Variants in FBXL17 observed in about 807,000 individuals in gnomAD.
FBXL17 encodes F-box and leucine rich repeat protein 17.
Under a neutral mutation model 66.2 loss-of-function variants are expected in FBXL17, and 22 were observed. The observed-to-expected ratio is 0.33, with a 90% confidence interval of 0.24 to 0.47. The LOEUF is 0.47. Ranked by LOEUF, FBXL17 falls within the 20% of genes least tolerant of loss-of-function variation. FBXL17 has a pLI of 1.00. For missense variants in FBXL17, 878 were observed against 948.2 expected, an observed-to-expected ratio of 0.93 and a Z score of 0.97; for synonymous variants, 474 against 400.5, an observed-to-expected ratio of 1.18 and a Z score of -2.19.
At chr5:107,980,804 C>T (rs1192253694) in intron 7 of FBXL17, among the ~76,000 whole-genome samples, 1 of 149,204 alleles carries the variant, frequency 6.7e-6, no homozygotes, top group Non-Finnish European at 1.5e-5. Flanking sequence ...CTACAGGCAC[C>T]CACCACCACG....
intron 7 of FBXL17, among the ~76,000 whole-genome samples, chr5:108,010,502 C>T (rs1382972265): frequency 6.6e-6 from 1 of 152,034 alleles, no homozygotes; most frequent in African/African-American, 2.4e-5. Context: ...AAGGCTGGAC[C>T]TGTGATGACG....
At chr5:108,198,882 CTA>C (rs947527362) in intron 5 of FBXL17, among the ~76,000 whole-genome samples, 108 of 152,054 alleles carry the variant, frequency 7.1e-4, no homozygotes, top group African/African-American at 2.6e-3. Flanking sequence ...AAAGATCTCT[CTA>C]AAGTTTTCCT....
At chr5:108,174,158 G>A (rs1438265972) in intron 6 of FBXL17, among the ~76,000 whole-genome samples, 1 of 152,010 alleles carries the variant, frequency 6.6e-6, no homozygotes, top group Non-Finnish European at 1.5e-5. Flanking sequence ...TGAAAATTAG[G>A]ATTAAAGATA....
chr5:107,861,748 G>A lies in FBXL17; in HGVS notation c.2078C>T (p.Thr693Ile). ...TLERAYQMGW[T>I]PNMSAASS Reference sequence around the variant, plus strand: ...GGAGGAGGCGGCAGACATGTTGGGGGTCCAGCCCATCTGATAGGCTCTCTC... The same window carrying A: ...GGAGGAGGCGGCAGACATGTTGGGGATCCAGCCCATCTGATAGGCTCTCTC... Residue 693 changes from threonine (T) to isoleucine (I), a missense_variant, in exon 9 of 9, where the codon ACC (threonine) becomes ATC (isoleucine). By Grantham distance (89) the Thr-to-Ile change is moderately conservative. Transcript: ENST00000542267. 6.3e-7 allele frequency: 1 copy of A among 1,585,838 alleles called. No individual in the cohort carries two copies. The highest frequency in any genetic ancestry group is 8.6e-7 in the Non-Finnish European group (1 of 1,163,696).
At chr5:108,255,928 C>A (rs181333560) in intron 4 of FBXL17, among the ~76,000 whole-genome samples, 19 of 152,042 alleles carry the variant, frequency 1.2e-4, no homozygotes, top group Admixed American at 1.1e-3. Context: ...CAAAGCAAGG[C>A]GTAAGGCAAG....
At chr5:107,997,698 A>G (rs1753534729) in intron 7 of FBXL17, among the ~76,000 whole-genome samples, 2 of 152,204 alleles carry the variant, frequency 1.3e-5, no homozygotes, top group African/African-American at 2.4e-5. Context: ...CTTTATTTAT[A>G]AACGCGACTG....
chr5:107,956,884 A>C (rs1751683743), intron 7 of FBXL17, among the ~76,000 whole-genome samples: 1 of 152,156 alleles, frequency 6.6e-6, no homozygotes, highest in Non-Finnish European at 1.5e-5. Context: ...GAAAAAACTA[A>C]GAGAAGCACC....
chr5:108,372,220 C>G (rs967264957), intron 1 of FBXL17, among the ~76,000 whole-genome samples: 1 of 152,130 alleles, frequency 6.6e-6, no homozygotes, highest in African/African-American at 2.4e-5. Flanking sequence ...AAGAAAGAAT[C>G]AGCAAACCTA....
chr5:108,055,280 G>GAAAAAAAAAAAAAAAAA lies in FBXL17; in HGVS notation c.1746-34296_1746-34280dup, dbSNP rs1000211060. Among the ~76,000 whole-genome samples, 2 of 23,692 alleles carry GAAAAAAAAAAAAAAAAA rather than the reference G, an allele frequency of 8.4e-5. 1 individual carries two copies. 15.5% of individuals were successfully genotyped at this position (23,692 alleles called of 152,430 possible). A position where few individuals can be genotyped will look rare whatever the true frequency, so the allele number is the denominator to read the frequency against. Reference sequence around the variant, plus strand: ...ATTTTTAAATGACATAGAATTTTTAGAAAAAAAAAAAAAAAAAAAAAAAAA... The same window carrying GAAAAAAAAAAAAAAAAA: ...ATTTTTAAATGACATAGAATTTTTAGAAAAAAAAAAAAAAAAAAAAAAAAAAAAAAAAAAAAAAAAAA... On this transcript the variant is annotated intron_variant, in intron 6 of 8. Coordinates refer to ENST00000542267, the MANE Select transcript of FBXL17 (RefSeq NM_001163315.3).
chr5:108,232,236 T>C (rs542446106), intron 4 of FBXL17, among the ~76,000 whole-genome samples: 4 of 152,316 alleles, frequency 2.6e-5, no homozygotes, highest in African/African-American at 9.6e-5. Flanking sequence ...CATTTAAGTA[T>C]TGTTAACTTT....
intron 6 of FBXL17, among the ~76,000 whole-genome samples, chr5:108,103,037 A>G (rs947212019): frequency 2.6e-5 from 4 of 152,264 alleles, no homozygotes; most frequent in African/African-American, 9.6e-5. Context: ...GATATTTGCC[A>G]TAAGAATTAC....
chr5:108,307,235 A>C (rs1231768753), intron 4 of FBXL17, among the ~76,000 whole-genome samples: 2 of 152,122 alleles, frequency 1.3e-5, no homozygotes, highest in African/African-American at 4.8e-5. Context: ...AAAAGCTTTA[A>C]ATTTAAGTTA....
chr5:108,127,693 T>C (rs17161040), intron 6 of FBXL17, among the ~76,000 whole-genome samples: 2,481 of 152,286 alleles, frequency 0.016, 60 homozygotes, highest in African/African-American at 0.057. Context: ...AAAAAATCTA[T>C]AGGTAATGTG....
chr5:107,880,152 C>T (rs755297457), intron 8 of FBXL17: 5 of 197,140 alleles, frequency 2.5e-5, no homozygotes, highest in Admixed American at 1.3e-4. Context: ...ACTGCAACCT[C>T]GGCCTCTTGA....
rs528832036 is a variant in FBXL17 at position 107,990,066 on chromosome 5, G to A, written c.1822+30859C>T. Among the ~76,000 whole-genome samples the A allele has an allele frequency of 9.2e-5, 14 of 152,308 alleles. No homozygotes were observed. In the South Asian group the frequency reaches 2.9e-3, roughly 32 times the overall value. ...TAGTAACTGAGCAACATATTCTAGG[G>A]ATGAAACTTTAGAAAGAGGTAAGAG... is the stretch of plus-strand genomic sequence containing the variant. On this transcript the variant is annotated intron_variant, in intron 7 of 8. Transcript: ENST00000542267.
chr5:108,083,783 T>C (rs1364365648), intron 6 of FBXL17, among the ~76,000 whole-genome samples: 8 of 152,038 alleles, frequency 5.3e-5, no homozygotes, highest in African/African-American at 1.2e-4. Flanking sequence ...TCATAAAGTA[T>C]GATTAAACAT....
chr5:108,027,720 A>G (rs1393834794), intron 6 of FBXL17, among the ~76,000 whole-genome samples: 1 of 152,138 alleles, frequency 6.6e-6, no homozygotes, highest in Non-Finnish European at 1.5e-5. Context: ...CTCTATAACT[A>G]TCAAAAATCA....
At chr5:107,958,302 C>T (rs962252254) in intron 7 of FBXL17, among the ~76,000 whole-genome samples, 1 of 151,948 alleles carries the variant, frequency 6.6e-6, no homozygotes, top group Admixed American at 6.6e-5. Flanking sequence ...CCCTTTATGG[C>T]CATCAATGTT....
At chr5:107,885,773 A>G (rs1324028562) in intron 7 of FBXL17, among the ~76,000 whole-genome samples, 1 of 152,176 alleles carries the variant, frequency 6.6e-6, no homozygotes, top group Admixed American at 6.6e-5. Flanking sequence ...CATAAACCAG[A>G]AACCACAAAA....
Sources: gnomAD v4.1 joint callset for allele counts (sites outside exome capture counted in the v4.1 genomes callset) on GRCh38, gnomAD v4.1.1 for gene constraint, MANE v1.5 for transcripts, NCBI Gene and HGNC (gene_info 2026-07-23, HGNC 2026-07-21) for gene names.